RSPO2: variants seen among roughly 807,000 people sequenced by gnomAD.
The protein encoded by RSPO2 is R-spondin 2, also known as R-spondin-2.
In RSPO2, 14 loss-of-function variants were observed where a neutral mutation model predicts 30.9. The ratio of observed to expected loss-of-function variants is 0.45; its 90% CI spans 0.30 to 0.71. The LOEUF is 0.71. Among genes scored for constraint, RSPO2 ranks in the 30% least tolerant of loss-of-function variants. The pLI is 0.08. For synonymous variants in RSPO2, 107 were observed against 96.4 expected (o/e 1.11, Z -0.64); for missense variants, 264 against 301.9 (o/e 0.87, Z 0.93).
At chr8:108,044,528 C>T (rs4734168) in intron 2 of RSPO2, among the ~76,000 whole-genome samples, 26,165 of 152,090 alleles carry the variant, frequency 0.17, 2,876 homozygotes, top group Middle Eastern at 0.28. Flanking sequence ...CATATTCCTG[C>T]AAAGGACATT....
At chr8:107,955,638 T>TTA (rs1554576416) in intron 5 of RSPO2, among the ~76,000 whole-genome samples, 3 of 151,582 alleles carry the variant, frequency 2.0e-5, no homozygotes, top group Non-Finnish European at 2.9e-5. Context: ...CACTGTTTTT[T>TTA]AAAAAAAACT....
chr8:107,914,308 C>T (rs1178437750), intron 5 of RSPO2, among the ~76,000 whole-genome samples: 1 of 151,968 alleles, frequency 6.6e-6, no homozygotes, highest in East Asian at 1.9e-4. Flanking sequence ...ATTTACTGTG[C>T]TCAAATACTG....
chr8:107,932,177 G>C (rs1812572317), intron 5 of RSPO2, among the ~76,000 whole-genome samples: 2 of 152,164 alleles, frequency 1.3e-5, no homozygotes, highest in South Asian at 4.1e-4. Context: ...GATCACTTAA[G>C]AGACCACTGA....
intron 5 of RSPO2, among the ~76,000 whole-genome samples, chr8:107,909,781 T>C (rs923144044): frequency 6.6e-6 from 1 of 152,256 alleles, no homozygotes; most frequent in African/African-American, 2.4e-5. Context: ...ATTGATTCAC[T>C]GCTTATTCTT....
intron 2 of RSPO2, among the ~76,000 whole-genome samples, chr8:107,991,326 T>C (rs1405345464): frequency 6.6e-6 from 1 of 151,518 alleles, no homozygotes; most frequent in Non-Finnish European, 1.5e-5. Context: ...CAATAAATGA[T>C]GCTGGGATAA....
rs116095796 is a variant in RSPO2 at position 108,082,478 on chromosome 8, C to A, written c.94+67G>T. 3 of 1,235,810 alleles carry A rather than the reference C, an allele frequency of 2.4e-6. 1 individual carries two copies. The South Asian group carries it at 3.7e-5, about 15-fold the overall frequency. The allele number at this position is 1,235,810 out of a possible 1,614,324, so 76.6% of individuals were successfully genotyped here. On this transcript the variant is annotated intron_variant, in intron 2 of 5. Transcript: ENST00000276659. ...ACCATCTGAGCCCCCGGAGCCAGGG[C>A]GTGAGTGAGCGCCTCCACACGCCAC...
At chr8:108,072,744 TAAC>T (rs1283995145) in intron 2 of RSPO2, among the ~76,000 whole-genome samples, 2 of 151,920 alleles carry the variant, frequency 1.3e-5, no homozygotes, top group African/African-American at 2.4e-5. Flanking sequence ...CTCAAAAAAA[TAAC>T]AACAACAACT....
At chr8:107,978,467 GGCTAGCCATATGCAGAAA>G (rs1814295057) in intron 3 of RSPO2, among the ~76,000 whole-genome samples, 2 of 152,234 alleles carry the variant, frequency 1.3e-5, no homozygotes, top group African/African-American at 4.8e-5. Flanking sequence ...TGGGAAAACT[GGCTAGCCATATGCAGAAA>G]GCTGAAACTG....
intron 2 of RSPO2, among the ~76,000 whole-genome samples, chr8:108,014,853 A>G (rs1038295288): frequency 2.6e-5 from 4 of 152,012 alleles, no homozygotes; most frequent in East Asian, 1.9e-4. Context: ...ATAAAAAAAA[A>G]AAAAAGAAAA....
At chr8:107,955,631 T>C (rs1182911626) in intron 5 of RSPO2, among the ~76,000 whole-genome samples, 1 of 103,726 alleles carries the variant, frequency 9.6e-6, no homozygotes, top group East Asian at 3.9e-4. Flanking sequence ...AGCATTACAC[T>C]GTTTTTTAAA....
At chr8:107,996,508 A>T (rs1815030405) in intron 2 of RSPO2, among the ~76,000 whole-genome samples, 1 of 152,180 alleles carries the variant, frequency 6.6e-6, no homozygotes, top group Non-Finnish European at 1.5e-5. Context: ...GAAATATCCA[A>T]CCCAAATCTA....
At chr8:107,905,775 AT>A (rs10646586) in intron 5 of RSPO2, among the ~76,000 whole-genome samples, 4 of 149,380 alleles carry the variant, frequency 2.7e-5, no homozygotes, top group South Asian at 2.1e-4. Context: ...GTACTGTACC[AT>A]TTTTTTTTTC....
chr8:108,052,878 G>T (rs28490539), intron 2 of RSPO2, among the ~76,000 whole-genome samples: 5 of 152,082 alleles, frequency 3.3e-5, no homozygotes, highest in Non-Finnish European at 7.4e-5. Flanking sequence ...TTGGTAGAAC[G>T]GCTCTTGGGA....
chr8:108,057,888 G>C (rs1253910003), intron 2 of RSPO2, among the ~76,000 whole-genome samples: 13 of 152,134 alleles, frequency 8.5e-5, no homozygotes, highest in South Asian at 2.1e-4. Flanking sequence ...GAGACAATGG[G>C]GTTTTCTAGA....
chr8:107,907,538 G>A (rs556819055), intron 5 of RSPO2, among the ~76,000 whole-genome samples: 9 of 151,572 alleles, frequency 5.9e-5, no homozygotes, highest in African/African-American at 1.5e-4. Context: ...TCATTTCATC[G>A]TCATAAAAGA....
chr8:108,058,579 A>G lies in RSPO2; in HGVS notation c.94+23966T>C, dbSNP rs1332934735. Among the ~76,000 whole-genome samples, 5 of 151,776 alleles carry G rather than the reference A, an allele frequency of 3.3e-5. No homozygotes were observed. The South Asian group carries it at 6.2e-4, about 19-fold the overall frequency. ...AAAAGAACAAAGCTGGAGGCATCACACTACCTGACTTCAAACCATACTACA... is the reference window on the plus strand; with the variant it reads ...AAAAGAACAAAGCTGGAGGCATCACGCTACCTGACTTCAAACCATACTACA... On this transcript the variant is annotated intron_variant, in intron 2 of 5. Coordinates refer to ENST00000276659, the MANE Select transcript of RSPO2 (RefSeq NM_178565.5).
chr8:108,074,061 G>T (rs946226514), intron 2 of RSPO2, among the ~76,000 whole-genome samples: 1 of 152,100 alleles, frequency 6.6e-6, no homozygotes, highest in Non-Finnish European at 1.5e-5. Flanking sequence ...AAAAGCAACA[G>T]AAAATGTTTT....
chr8:107,958,999 T>C (rs13266403), intron 4 of RSPO2, among the ~76,000 whole-genome samples: 1 of 152,332 alleles, frequency 6.6e-6, no homozygotes, highest in South Asian at 2.1e-4. Context: ...ATAGTTCTAA[T>C]GACACTAAAA....
At chr8:108,003,305 ATATATATTTTTTTTTTTTTTTT>A (rs1338789732) in intron 2 of RSPO2, among the ~76,000 whole-genome samples, 5 of 26,420 alleles carry the variant, frequency 1.9e-4, no homozygotes, top group African/African-American at 6.4e-4. Context: ...ATATATATAT[ATATATATTTTTTTTTTTTTTTT>A]TTTTTTTTTT....
Sources: allele counts gnomAD v4.1 joint callset (sites outside exome capture counted in the v4.1 genomes callset), GRCh38; gene constraint gnomAD v4.1.1; transcripts MANE v1.5; gene names NCBI Gene and HGNC (gene_info 2026-07-23, HGNC 2026-07-21).